Variants in BRINP3 observed in about 807,000 individuals in gnomAD.
The protein encoded by BRINP3 is BMP/retinoic acid-inducible neural-specific protein 3.
BRINP3 carries 19 observed loss-of-function variants against 71.0 expected under a neutral mutation model. The ratio of observed to expected loss-of-function variants is 0.27; its 90% CI spans 0.19 to 0.39. The LOEUF is 0.39. BRINP3 is among the 10% of genes least tolerant of loss of function. The probability of loss-of-function intolerance (pLI) is 1.00; values close to 1 mark genes in which losing one functional copy is unlikely to be tolerated. For synonymous variants in BRINP3, 380 were observed against 337.7 expected (o/e 1.13, Z -1.37); for missense variants, 959 against 940.8 (o/e 1.02, Z -0.25).
At chr1:190,450,602 A>G (rs1283493353) in intron 2 of BRINP3, among the ~76,000 whole-genome samples, 5 of 152,088 alleles carry the variant, frequency 3.3e-5, no homozygotes, top group Admixed American at 3.3e-4. Flanking sequence ...TCCAATTCTT[A>G]TTCCTGATGA....
rs112946208 is a variant in BRINP3, at chr1:190,210,937, G to A, written c.961+15145C>T. Among the ~76,000 whole-genome samples the A allele has an allele frequency of 3.3e-3, 496 of 152,106 alleles. 4 individuals are homozygous for A. Among genetic ancestry groups the A allele is most frequent in the African/African-American group, 0.011 (460 of 41,540 alleles). ...CCAGCCTCCATCTTTCTCCTGTGCC[G>A]GGTGCTTTCTGCCCTCGAATATTAG... On this transcript the variant is annotated intron_variant, in intron 6 of 7. Coordinates refer to ENST00000367462, the MANE Select transcript of BRINP3 (RefSeq NM_199051.3).
intron 2 of BRINP3, among the ~76,000 whole-genome samples, chr1:190,392,921 T>G (rs182982154): frequency 6.6e-6 from 1 of 151,702 alleles, no homozygotes; most frequent in Non-Finnish European, 1.5e-5. Context: ...TTGCTTGATA[T>G]GTTCACAGTT....
chr1:190,146,133 C>T (rs944697755), intron 7 of BRINP3, among the ~76,000 whole-genome samples: 4 of 151,976 alleles, frequency 2.6e-5, no homozygotes, highest in Non-Finnish European at 4.4e-5. Flanking sequence ...GTGCTCTAAA[C>T]CCTCAGAAAT....
intron 6 of BRINP3, among the ~76,000 whole-genome samples, chr1:190,225,695 G>C (rs1241903119): frequency 6.6e-6 from 1 of 151,930 alleles, no homozygotes; most frequent in Non-Finnish European, 1.5e-5. Context: ...GCACTAATGA[G>C]AATCATGTTG....
chr1:190,371,333 T>A (rs1040712431), intron 2 of BRINP3, among the ~76,000 whole-genome samples: 4 of 152,222 alleles, frequency 2.6e-5, no homozygotes, highest in Non-Finnish European at 4.4e-5. Context: ...TTTTAATCCA[T>A]TTTGAGTTGA....
At chr1:190,447,798 C>T (rs1675329190) in intron 2 of BRINP3, among the ~76,000 whole-genome samples, 1 of 151,212 alleles carries the variant, frequency 6.6e-6, no homozygotes, top group Admixed American at 6.6e-5. Context: ...CTTAAATAAC[C>T]CTGGTATATC....
At chr1:190,237,159 G>T (rs1333722901) in intron 4 of BRINP3, among the ~76,000 whole-genome samples, 1 of 151,278 alleles carries the variant, frequency 6.6e-6, no homozygotes, top group Non-Finnish European at 1.5e-5. Context: ...CTCATCATTC[G>T]CAATATACAA....
intron 2 of BRINP3, among the ~76,000 whole-genome samples, chr1:190,333,447 TAA>T (rs1480324585): frequency 6.6e-6 from 1 of 151,858 alleles, no homozygotes; most frequent in East Asian, 1.9e-4. Flanking sequence ...AAAATCAAAA[TAA>T]AGTTAATAGA....
chr1:190,116,000 T>G (rs1653103692), intron 7 of BRINP3, among the ~76,000 whole-genome samples: 1 of 152,126 alleles, frequency 6.6e-6, no homozygotes, highest in Non-Finnish European at 1.5e-5. Context: ...GCTAATTCAT[T>G]CACTCTATTC....
chr1:190,236,045 AG>A (rs1195164152), intron 4 of BRINP3, among the ~76,000 whole-genome samples: 3 of 151,972 alleles, frequency 2.0e-5, no homozygotes, highest in African/African-American at 7.2e-5. Context: ...AAACATAAGG[AG>A]AAACTTCGTA....
At chr1:190,203,979 C>T (rs1209136024) in intron 6 of BRINP3, among the ~76,000 whole-genome samples, 4 of 150,404 alleles carry the variant, frequency 2.7e-5, no homozygotes, top group African/African-American at 9.8e-5. Flanking sequence ...CAAATATTGG[C>T]CTTGAGGATA....
intron 2 of BRINP3, among the ~76,000 whole-genome samples, chr1:190,436,741 A>C (rs1674482565): frequency 6.6e-6 from 1 of 151,804 alleles, no homozygotes; most frequent in African/African-American, 2.4e-5. Flanking sequence ...CATGAGACTC[A>C]ATTGACTCAA....
intron 2 of BRINP3, among the ~76,000 whole-genome samples, chr1:190,423,382 AT>A (rs976067945): frequency 8.2e-4 from 125 of 151,870 alleles, no homozygotes; most frequent in African/African-American, 3.0e-3. Context: ...CCAGTCCACA[AT>A]TTTGACTTGA....
intron 2 of BRINP3, among the ~76,000 whole-genome samples, chr1:190,337,029 T>A (rs1667334168): frequency 6.6e-6 from 1 of 151,884 alleles, no homozygotes; most frequent in Non-Finnish European, 1.5e-5. Flanking sequence ...TATATAATAC[T>A]AAACTAACCT....
At chr1:190,263,424 A>G (rs1441647618) in intron 4 of BRINP3, among the ~76,000 whole-genome samples, 1 of 152,098 alleles carries the variant, frequency 6.6e-6, no homozygotes, top group Admixed American at 6.6e-5. Context: ...TCTACTAGCA[A>G]CATTAGGATT....
At chr1:190,137,959 T>G (rs898125082) in intron 7 of BRINP3, among the ~76,000 whole-genome samples, 1 of 152,040 alleles carries the variant, frequency 6.6e-6, no homozygotes, top group Non-Finnish European at 1.5e-5. Context: ...GTTTTTTTTT[T>G]TTGTTTGTAT....
intron 2 of BRINP3, among the ~76,000 whole-genome samples, chr1:190,421,111 G>GA (rs1558271486): frequency 6.6e-6 from 1 of 150,844 alleles, no homozygotes; most frequent in South Asian, 2.1e-4. Flanking sequence ...ATTGTAACTA[G>GA]AAAAAAAATG....
chr1:190,355,968 G>A (rs1178562009), intron 2 of BRINP3, among the ~76,000 whole-genome samples: 1 of 151,854 alleles, frequency 6.6e-6, no homozygotes, highest in Non-Finnish European at 1.5e-5. Flanking sequence ...ATCTGTCTAT[G>A]CATATGCCTA....
At chr1:190,110,179 T>C (rs921509080) in intron 7 of BRINP3, among the ~76,000 whole-genome samples, 1 of 152,178 alleles carries the variant, frequency 6.6e-6, no homozygotes, top group Non-Finnish European at 1.5e-5. Flanking sequence ...AATGCTTTAA[T>C]AGTCTCCAGT....
Sources: gnomAD v4.1 joint callset for allele counts (sites outside exome capture counted in the v4.1 genomes callset) on GRCh38, gnomAD v4.1.1 for gene constraint, MANE v1.5 for transcripts, NCBI Gene and HGNC (gene_info 2026-07-23, HGNC 2026-07-21) for gene names.